Variants in RUNX1T1 observed in about 807,000 individuals in gnomAD.
The protein encoded by RUNX1T1 is RUNX1 partner transcriptional co-repressor 1.
Under a neutral mutation model 62.8 loss-of-function variants are expected in RUNX1T1, and 4 were observed. The observed-to-expected ratio is 0.06, with a 90% CI of 0.03 to 0.15. The LOEUF is 0.15. RUNX1T1 is among the 10% of genes least tolerant of loss of function. The pLI, the probability that RUNX1T1 is intolerant of heterozygous loss-of-function variation, is 1.00. For missense variants in RUNX1T1, 508 were observed against 754.3 expected (o/e 0.67, Z 3.82); for synonymous variants, 291 against 286.0 (o/e 1.02, Z -0.18).
intron 10 of RUNX1T1, among the ~76,000 whole-genome samples, chr8:91,962,299 G>A (rs1450442030): frequency 1.3e-5 from 2 of 152,118 alleles, no homozygotes; most frequent in East Asian, 1.9e-4. Context: ...AATCCAACAC[G>A]GAAAAACAAA....
At chr8:91,991,504 G>A in intron 6 of RUNX1T1, 135 bp downstream of exon 7, 2 of 963,020 alleles carry the variant, frequency 2.1e-6, no homozygotes, top group Non-Finnish European at 3.2e-6. Context: ...TTTTCATAAA[G>A]GAGACAATAT....
chr8:91,992,774 C>T (rs1163550241), intron 5 of RUNX1T1, among the ~76,000 whole-genome samples: 1 of 152,158 alleles, frequency 6.6e-6, no homozygotes, highest in Non-Finnish European at 1.5e-5. Context: ...AGGACGGGAA[C>T]ACCCTGACGA....
intron 2 of RUNX1T1, among the ~76,000 whole-genome samples, chr8:92,071,778 C>A (rs995629139): frequency 6.6e-6 from 1 of 152,164 alleles, no homozygotes; most frequent in Non-Finnish European, 1.5e-5. Context: ...GGAAGCAGGG[C>A]TGCTGGGTAT....
chr8:92,008,737 A>C (rs1471481038), intron 4 of RUNX1T1, among the ~76,000 whole-genome samples: 1 of 152,204 alleles, frequency 6.6e-6, no homozygotes, highest in Non-Finnish European at 1.5e-5. Context: ...AGATACATTA[A>C]ATAGTACTTC....
chr8:92,087,329 C>T (rs1298855404), intron 1 of RUNX1T1, among the ~76,000 whole-genome samples: 2 of 152,050 alleles, frequency 1.3e-5, no homozygotes, highest in South Asian at 4.2e-4. Context: ...CCCAAGGGCC[C>T]TTTTTGCTGC....
intron 6 of RUNX1T1, among the ~76,000 whole-genome samples, chr8:91,989,463 AAGAAAAT>A (rs1817218321): frequency 1.3e-5 from 2 of 152,234 alleles, no homozygotes; most frequent in African/African-American, 4.8e-5. Flanking sequence ...ACATGGTCTG[AAGAAAAT>A]CACATAAAAC....
exon 1 of RUNX1T1, chr8:92,062,707 C>T (rs757205965): frequency 3.7e-6 from 6 of 1,605,944 alleles, no homozygotes; most frequent in South Asian, 2.2e-5. Flanking sequence ...TGGGCGCGTG[C>T]GCCTGCCAGG....
At chr8:92,001,819 T>C (rs2130987994) in intron 5 of RUNX1T1, among the ~76,000 whole-genome samples, 1 of 152,302 alleles carries the variant, frequency 6.6e-6, no homozygotes, top group Non-Finnish European at 1.5e-5. Flanking sequence ...AAGACAGCAA[T>C]GATAATCATC....
At chr8:92,013,652 T>C (rs184802724) in intron 3 of RUNX1T1, among the ~76,000 whole-genome samples, 218 of 152,078 alleles carry the variant, frequency 1.4e-3, no homozygotes, top group Non-Finnish European at 2.5e-3. Context: ...TACTCGAAAA[T>C]CCTCCACTTC....
Position 91,976,524 on chromosome 8 carries a change from G to A in RUNX1T1, c.1199-551C>T, listed in dbSNP as rs999254150. On this transcript the variant is annotated intron_variant, in intron 8 of 10. Transcript: ENST00000396218. ...ATTAGATCATATGGATTTGACATAC[G>A]TGAAAGCCAGAAAGACTCATCAGAA... Among the ~76,000 whole-genome samples, 7 of 152,120 alleles carry A rather than the reference G, an allele frequency of 4.6e-5. No individual in the cohort carries two copies. In the South Asian group the frequency reaches 6.2e-4, roughly 14 times the overall value.
chr8:91,964,741 G>A (rs1811222041), intron 10 of RUNX1T1, among the ~76,000 whole-genome samples: 1 of 152,070 alleles, frequency 6.6e-6, no homozygotes, highest in Admixed American at 6.5e-5. Context: ...AGCTCTCATT[G>A]TGGCAAGAAC....
chr8:91,979,754 G>A, intron 8 of RUNX1T1: 3 of 495,328 alleles, frequency 6.1e-6, no homozygotes, highest in Non-Finnish European at 1.2e-5. Flanking sequence ...GTATGAAAGA[G>A]ATGGAAGATG....
intron 1 of RUNX1T1, among the ~76,000 whole-genome samples, chr8:92,099,268 G>A (rs1180975968): frequency 1.3e-5 from 2 of 152,056 alleles, no homozygotes; most frequent in Admixed American, 6.6e-5. Flanking sequence ...ATTTTCAAAG[G>A]ATATGTTAAC....
At chr8:92,079,560 G>A (rs1257348714) in intron 1 of RUNX1T1, among the ~76,000 whole-genome samples, 6 of 152,108 alleles carry the variant, frequency 3.9e-5, no homozygotes, top group African/African-American at 1.4e-4. Flanking sequence ...CTCATCGCAG[G>A]TCATGTGAAC....
At chr8:92,085,090 T>A (rs1397160721) in intron 1 of RUNX1T1, among the ~76,000 whole-genome samples, 1 of 152,202 alleles carries the variant, frequency 6.6e-6, no homozygotes, top group Non-Finnish European at 1.5e-5. Context: ...ATTATCCAGA[T>A]GAAAATTATT....
exon 4 of RUNX1T1, chr8:92,011,028 T>G (rs2131094550): frequency 1.9e-6 from 3 of 1,607,538 alleles, no homozygotes; most frequent in Non-Finnish European, 2.6e-6. Flanking sequence ...ACAAAAGGTC[T>G]CAGTGGGAAG....
chr8:91,972,060 T>G (rs1812956100), intron 9 of RUNX1T1, among the ~76,000 whole-genome samples: 1 of 152,172 alleles, frequency 6.6e-6, no homozygotes, highest in Non-Finnish European at 1.5e-5. Context: ...AATTATGACA[T>G]GTTTCATTCA....
chr8:92,011,110 A>ATTTATACTAC lies in RUNX1T1; in HGVS notation c.388-20_388-19insGTAGTATAAA. ...TGGAGTTCTATGGAAGAAAATATGT[A>ATTTATACTAC]GTATAAATACATTAGCCTGTTGGTA... On this transcript the variant is annotated intron_variant, in intron 3 of 10. Transcript: ENST00000396218. 7.4e-7 allele frequency: 1 copy of ATTTATACTAC among 1,358,634 alleles called. No homozygotes were observed. The highest frequency in any genetic ancestry group is 1.1e-6 in the Non-Finnish European group (1 of 947,516). 84.2% of individuals were successfully genotyped at this position (1,358,634 alleles called of 1,614,324 possible).
Position 92,076,155 on chromosome 8 carries a change from G to T in RUNX1T1, c.-85-18C>A. On this transcript the variant is annotated intron_variant, in intron 1 of 11. Transcript: ENST00000265814. ...AATCTTTTCTATTGACAACAACAAAGGGAAAAAAAATGCATATATCACAAC... is the reference window on the plus strand; with the variant it reads ...AATCTTTTCTATTGACAACAACAAATGGAAAAAAAATGCATATATCACAAC... 6.7e-7 allele frequency: 1 copy of T among 1,487,476 alleles called. No individual in the cohort carries two copies. Among genetic ancestry groups the T allele is most frequent in the Non-Finnish European group, 8.9e-7 (1 of 1,126,438 alleles). The allele number at this position is 1,487,476 out of a possible 1,614,324, so 92.1% of individuals were successfully genotyped here.
Sources: gnomAD v4.1 joint callset for allele counts (sites outside exome capture counted in the v4.1 genomes callset) on GRCh38, gnomAD v4.1.1 for gene constraint, MANE v1.5 for transcripts, NCBI Gene and HGNC (gene_info 2026-07-23, HGNC 2026-07-21) for gene names.